HECW1: variants seen among roughly 807,000 people sequenced by gnomAD.
The protein encoded by HECW1 is HECT, C2 and WW domain containing E3 ubiquitin protein ligase 1.
HECW1 carries 61 observed loss-of-function variants against 182.3 expected under a neutral mutation model. The ratio of observed to expected loss-of-function variants is 0.33; its 90% CI spans 0.27 to 0.41. The LOEUF (loss-of-function observed/expected upper bound fraction) is 0.41, where lower values mean the gene tolerates loss of function less well. HECW1 is among the 10% of genes least tolerant of loss of function. The pLI is 1.00. For synonymous variants in HECW1, 859 were observed against 832.6 expected, an observed-to-expected ratio of 1.03 and a Z score of -0.55; for missense variants, 1,739 against 2,108.9, an observed-to-expected ratio of 0.82 and a Z score of 3.44.
At chr7:43,123,946 AT>A (rs1293626457) in intron 2 of HECW1, among the ~76,000 whole-genome samples, 2 of 152,212 alleles carry the variant, frequency 1.3e-5, no homozygotes, top group African/African-American at 4.8e-5. Context: ...CATTTAAGCT[AT>A]ATAGAGAAAG....
chr7:43,148,701 G>A (rs577621887), intron 2 of HECW1: 1 of 152,060 alleles, frequency 6.6e-6, no homozygotes, highest in African/African-American at 2.4e-5. Flanking sequence ...CTGAGGTGTG[G>A]TCTGGCTCTG....
intron 8 of HECW1, among the ~76,000 whole-genome samples, chr7:43,426,747 C>T (rs2076375538): frequency 6.6e-6 from 1 of 152,130 alleles, no homozygotes; most frequent in Non-Finnish European, 1.5e-5. Flanking sequence ...GTTCTGGTTA[C>T]ATGATGTTTG....
intron 2 of HECW1, among the ~76,000 whole-genome samples, chr7:43,127,936 T>C (rs1206770076): frequency 6.6e-6 from 1 of 152,084 alleles, no homozygotes; most frequent in African/African-American, 2.4e-5. Context: ...TGGCATGTAG[T>C]AGCATGATCA....
At chr7:43,473,289 G>A (rs2078092668) in intron 16 of HECW1, among the ~76,000 whole-genome samples, 1 of 152,152 alleles carries the variant, frequency 6.6e-6, no homozygotes, top group Admixed American at 6.5e-5. Context: ...AGGATCATGA[G>A]CCAAATAAAC....
At chr7:43,538,356 G>A (rs1426592611) in intron 24 of HECW1, among the ~76,000 whole-genome samples, 3 of 152,160 alleles carry the variant, frequency 2.0e-5, no homozygotes, top group African/African-American at 2.4e-5. Flanking sequence ...TGGCCTTAGA[G>A]GGCTTAAGCT....
intron 15 of HECW1, among the ~76,000 whole-genome samples, chr7:43,467,017 A>G (rs2077807549): frequency 6.6e-6 from 1 of 152,154 alleles, no homozygotes; most frequent in Non-Finnish European, 1.5e-5. Context: ...ATTTCATATG[A>G]TTTTACATAT....
intron 5 of HECW1, among the ~76,000 whole-genome samples, chr7:43,353,877 G>C (rs1814767498): frequency 6.6e-6 from 1 of 152,158 alleles, no homozygotes; most frequent in Non-Finnish European, 1.5e-5. Flanking sequence ...GAAACTCTGA[G>C]ATATAGCTCA....
At position 43,538,087 on chromosome 7, in the gene HECW1, G is replaced by A. The variant is rs116438608; in HGVS notation, c.4020-3076G>A. Among the ~76,000 whole-genome samples the A allele has an allele frequency of 6.5e-3, 993 of 152,286 alleles. 10 individuals carry two copies. Among genetic ancestry groups the A allele is most frequent in the African/African-American group, 0.023 (954 of 41,556 alleles). Reference sequence around the variant, plus strand: ...TTCCCTGGTTGCTCATGATTGATCCGGTGGGCATCCAACCTGAGTTAGAAC... The same window carrying A: ...TTCCCTGGTTGCTCATGATTGATCCAGTGGGCATCCAACCTGAGTTAGAAC... On this transcript the variant is annotated intron_variant, in intron 24 of 29. Transcript: ENST00000395891.
At chr7:43,359,326 T>G (rs915125391) in intron 5 of HECW1, among the ~76,000 whole-genome samples, 5 of 152,132 alleles carry the variant, frequency 3.3e-5, no homozygotes, top group Admixed American at 3.3e-4. Flanking sequence ...AAAATAAAAC[T>G]GAGATTCTGT....
chr7:43,507,078 AAAAAAG>A, intron 21 of HECW1, 53 bp from the exon 22 acceptor site: 6 of 1,574,930 alleles, frequency 3.8e-6, no homozygotes, highest in Non-Finnish European at 5.2e-6. Flanking sequence ...TCAAAAAAGA[AAAAAAG>A]AAGAAGAAGA....
intron 2 of HECW1, among the ~76,000 whole-genome samples, chr7:43,237,118 A>C (rs1798425605): frequency 6.7e-6 from 1 of 148,948 alleles, no homozygotes; most frequent in Admixed American, 6.7e-5. Flanking sequence ...AAGAAAGAAA[A>C]AAAGAAGGAA....
At chr7:43,461,461 G>T (rs1248978335) in intron 13 of HECW1, among the ~76,000 whole-genome samples, 2 of 152,224 alleles carry the variant, frequency 1.3e-5, no homozygotes, top group East Asian at 3.8e-4. Context: ...ACCATTTTGA[G>T]AAATGCAGTC....
intron 24 of HECW1, among the ~76,000 whole-genome samples, chr7:43,510,726 C>T (rs980100824): frequency 2.6e-5 from 4 of 152,134 alleles, no homozygotes; most frequent in Non-Finnish European, 5.9e-5. Flanking sequence ...GTCTGTGAAT[C>T]TTTCAAAAAG....
At chr7:43,300,977 T>C (rs1806689552) in intron 3 of HECW1, among the ~76,000 whole-genome samples, 1 of 152,156 alleles carries the variant, frequency 6.6e-6, no homozygotes, top group African/African-American at 2.4e-5. Context: ...TGGTAAAGCT[T>C]CTCCCTGCAT....
intron 2 of HECW1, among the ~76,000 whole-genome samples, chr7:43,180,572 T>C (rs10215485): frequency 0.24 from 36,615 of 151,888 alleles, 4,598 homozygotes; most frequent in Middle Eastern, 0.27. Context: ...ATTTTTTGTA[T>C]TTTTAGTAGA....
rs138149251 is a variant in HECW1, at chr7:43,232,265, C to T, written c.-31-11610C>T. 2.6e-3 allele frequency among the ~76,000 whole-genome samples: 396 copies of T among 152,274 alleles called. 3 individuals are homozygous for T. Among genetic ancestry groups the T allele is most frequent in the African/African-American group, 8.8e-3 (365 of 41,540 alleles). On this transcript the variant is annotated intron_variant, in intron 2 of 29. Transcript: ENST00000395891. ...TCTATTTGTGCCAGAACCCGTCCTC[C>T]ACTGGTGAACTATAAGAACCCTCCT... is the stretch of plus-strand genomic sequence containing the variant.
chr7:43,272,769 A>G (rs1046928149), intron 3 of HECW1, among the ~76,000 whole-genome samples: 1 of 152,200 alleles, frequency 6.6e-6, no homozygotes, highest in Non-Finnish European at 1.5e-5. Context: ...GGAGATTTCC[A>G]AAAGAACTTA....
intron 12 of HECW1, among the ~76,000 whole-genome samples, chr7:43,452,031 G>A (rs2077253249): frequency 6.6e-6 from 1 of 152,172 alleles, no homozygotes; most frequent in South Asian, 2.1e-4. Flanking sequence ...AGAAATCAAA[G>A]AACATCTTTT....
At chr7:43,520,140 C>T (rs1425200993) in intron 24 of HECW1, among the ~76,000 whole-genome samples, 2 of 152,172 alleles carry the variant, frequency 1.3e-5, no homozygotes, top group Admixed American at 6.5e-5. Flanking sequence ...TTCTTATCAC[C>T]TAAGGACTTG....
Sources: allele counts gnomAD v4.1 joint callset (sites outside exome capture counted in the v4.1 genomes callset), GRCh38; gene constraint gnomAD v4.1.1; transcripts MANE v1.5; gene names NCBI Gene and HGNC (gene_info 2026-07-23, HGNC 2026-07-21).